The following DENND4C variants were observed in gnomAD, a reference collection of about 807,000 sequenced individuals.
The protein encoded by DENND4C is DENN domain containing 4C.
In DENND4C, 108 loss-of-function variants were observed where a neutral mutation model predicts 203.0. The observed-to-expected ratio is 0.53, with a 90% CI of 0.46 to 0.62. The LOEUF is 0.62. Among genes scored for constraint, DENND4C ranks in the 20% least tolerant of loss-of-function variants. DENND4C has a pLI of 0.00. For missense variants in DENND4C, 2,481 were observed against 2,301.2 expected, an observed-to-expected ratio of 1.08 and a Z score of -1.60; for synonymous variants, 871 against 792.4, an observed-to-expected ratio of 1.10 and a Z score of -1.67.
intron 1 of DENND4C, among the ~76,000 whole-genome samples, chr9:19,245,394 G>T (rs1824915445): frequency 6.6e-6 from 1 of 151,556 alleles, no homozygotes; most frequent in South Asian, 2.1e-4. Context: ...GTGAACCCGG[G>T]AGGCGGAGCT....
At chr9:19,356,951 T>C (rs995655032) in intron 26 of DENND4C, 21 bp from the exon 27 acceptor site, 16 of 1,604,656 alleles carry the variant, frequency 1.0e-5, no homozygotes, top group Middle Eastern at 1.7e-4. Flanking sequence ...AGGCTCTTTT[T>C]CCCCCCTTTT....
chr9:19,287,354 T>TATTC (rs1285074484), intron 3 of DENND4C, among the ~76,000 whole-genome samples: 3 of 152,316 alleles, frequency 2.0e-5, no homozygotes, highest in East Asian at 1.9e-4. Context: ...TACATTCATT[T>TATTC]ATTCATTCAT....
chr9:19,316,601 G>C lies in DENND4C; in HGVS notation c.1589-20G>C, dbSNP rs1400506619. ...TAAATTTAACATAATACCATTTTCT[G>C]TTTTTATTTCCTTTGTTAGTTCACC... On this transcript the variant is annotated intron_variant, in intron 11 of 32. Coordinates refer to ENST00000434457, the MANE Select transcript of DENND4C (RefSeq NM_001330640.2). 2 of 1,608,916 alleles carry C rather than the reference G, an allele frequency of 1.2e-6. No individual in the cohort carries two copies. Among genetic ancestry groups the C allele is most frequent in the Admixed American group, 1.7e-5 (1 of 58,836 alleles).
At chr9:19,364,884 G>T (rs1225970294) in intron 30 of DENND4C, among the ~76,000 whole-genome samples, 1 of 151,444 alleles carries the variant, frequency 6.6e-6, no homozygotes, top group African/African-American at 2.4e-5. Flanking sequence ...GACAGAGTGA[G>T]ACTGTCTCAA....
At chr9:19,365,066 G>A (rs1480479644) in intron 30 of DENND4C, among the ~76,000 whole-genome samples, 2 of 151,968 alleles carry the variant, frequency 1.3e-5, no homozygotes, top group Non-Finnish European at 2.9e-5. Context: ...TGGTCAGAAG[G>A]CCATTATTAC....
intron 1 of DENND4C, among the ~76,000 whole-genome samples, chr9:19,256,069 C>T (rs1428317239): frequency 6.7e-6 from 1 of 148,888 alleles, no homozygotes; most frequent in Non-Finnish European, 1.5e-5. Flanking sequence ...AAGACCCTGT[C>T]TCTGCAAAAA....
At chr9:19,367,695 C>G (rs7465722) in intron 30 of DENND4C, among the ~76,000 whole-genome samples, 73,361 of 152,104 alleles carry the variant, frequency 0.48, 18,810 homozygotes, top group African/African-American at 0.67. Flanking sequence ...AGCTGAGATT[C>G]TGCTGCTGCA....
intron 1 of DENND4C, among the ~76,000 whole-genome samples, chr9:19,237,500 T>A (rs541895338): frequency 5.1e-4 from 77 of 151,840 alleles, no homozygotes; most frequent in African/African-American, 1.8e-3. Context: ...CACAGGCTTG[T>A]GCCACCACGC....
chr9:19,283,229 G>C (rs1407387868), intron 2 of DENND4C, among the ~76,000 whole-genome samples: 1 of 151,818 alleles, frequency 6.6e-6, no homozygotes, highest in African/African-American at 2.4e-5. Flanking sequence ...TGTTAGCCTA[G>C]CCCTACAGAG....
At chr9:19,320,265 C>G (rs1842660860) in intron 12 of DENND4C, among the ~76,000 whole-genome samples, 3 of 151,470 alleles carry the variant, frequency 2.0e-5, no homozygotes, top group Admixed American at 6.6e-5. Context: ...GTGGTGCAGT[C>G]TTGGCTCACT....
Position 19,372,355 on chromosome 9 carries a change from A to G in DENND4C, c.*182A>G. ...ACCTTGAAATATGAAGTGCCATTTG[A>G]ATGTCCCAGGGCTTATTAATATTGA... On this transcript the variant is annotated 3_prime_UTR_variant, in exon 33 of 33. Transcript: ENST00000434457. 1.4e-6 allele frequency: 1 copy of G among 717,524 alleles called. No individual in the cohort carries two copies. The highest frequency in any genetic ancestry group is 2.1e-6 in the Non-Finnish European group (1 of 466,072). The allele number at this position is 717,524 out of a possible 1,614,324, so 44.4% of individuals were successfully genotyped here. A position where few individuals can be genotyped will look rare whatever the true frequency, so the allele number is the denominator to read the frequency against.
chr9:19,348,766 T>C (rs1823453632), intron 23 of DENND4C, among the ~76,000 whole-genome samples: 1 of 152,104 alleles, frequency 6.6e-6, no homozygotes, highest in African/African-American at 2.4e-5. Context: ...TTCCAAACTG[T>C]CTTAATCTGG....
chr9:19,297,545 T>G (rs1045159668), intron 6 of DENND4C, among the ~76,000 whole-genome samples: 3 of 152,150 alleles, frequency 2.0e-5, no homozygotes, highest in Non-Finnish European at 4.4e-5. Context: ...ATGTATATAA[T>G]CAATATTTTT....
At chr9:19,239,013 C>G (rs1355614428) in intron 1 of DENND4C, among the ~76,000 whole-genome samples, 1 of 151,940 alleles carries the variant, frequency 6.6e-6, no homozygotes, top group Non-Finnish European at 1.5e-5. Flanking sequence ...TGCCTTCTAT[C>G]ATTGCTCATA....
chr9:19,362,013 C>T (rs1314491653), intron 30 of DENND4C, 50 bp downstream of exon 30: 1 of 1,164,112 alleles, frequency 8.6e-7, no homozygotes. Context: ...GTGGCTCGCA[C>T]CTGTAATGCC....
chr9:19,326,236 A>G (rs767439911), intron 15 of DENND4C, 42 bp downstream of exon 15: 9 of 1,561,976 alleles, frequency 5.8e-6, no homozygotes, highest in Admixed American at 2.2e-5. Context: ...ACAGCCTATC[A>G]GTTTCTTTTA....
intron 26 of DENND4C, 49 bp from the exon 27 acceptor site, chr9:19,356,923 A>G (rs1825563057): frequency 3.9e-6 from 6 of 1,531,258 alleles, no homozygotes; most frequent in Non-Finnish European, 5.3e-6. Context: ...GAATTTTAGA[A>G]AACTTGAGGA....
intron 1 of DENND4C, among the ~76,000 whole-genome samples, chr9:19,271,201 C>CCTTTT (rs1564105379): frequency 3.1e-5 from 4 of 129,082 alleles, no homozygotes; most frequent in Non-Finnish European, 3.3e-5. Flanking sequence ...AATATGGATT[C>CCTTTT]TTTTTTTTTT....
chr9:19,307,539 G>A (rs1839931589), intron 10 of DENND4C, among the ~76,000 whole-genome samples: 1 of 151,962 alleles, frequency 6.6e-6, no homozygotes, highest in Non-Finnish European at 1.5e-5. Flanking sequence ...GGAGGCCGAG[G>A]CAGATGGATC....
Sources: allele counts gnomAD v4.1 joint callset (sites outside exome capture counted in the v4.1 genomes callset), GRCh38; gene constraint gnomAD v4.1.1; transcripts MANE v1.5; gene names NCBI Gene and HGNC (gene_info 2026-07-23, HGNC 2026-07-21).